Variants in TRDN observed in about 807,000 individuals in gnomAD.
TRDN encodes triadin, also known as triadin in skeletal muscle.
TRDN carries 161 observed loss-of-function variants against 149.7 expected under a neutral mutation model. The observed-to-expected ratio is 1.08, with a 90% CI of 0.95 to 1.23. The LOEUF (loss-of-function observed/expected upper bound fraction) is 1.23. TRDN is among the 50% of genes most tolerant of loss of function. The pLI, the probability that TRDN is intolerant of heterozygous loss-of-function variation, is 0.00. For missense variants in TRDN, 896 were observed against 823.5 expected, an observed-to-expected ratio of 1.09 and a Z score of -1.08; for synonymous variants, 294 against 250.5, an observed-to-expected ratio of 1.17 and a Z score of -1.64.
At chr6:123,369,903 C>T (rs550657055) in intron 19 of TRDN, among the ~76,000 whole-genome samples, 1 of 152,260 alleles carries the variant, frequency 6.6e-6, no homozygotes, top group African/African-American at 2.4e-5. Context: ...CACAATGTCT[C>T]ATGTCACTCT....
intron 9 of TRDN, among the ~76,000 whole-genome samples, chr6:123,477,956 G>A (rs751293977): frequency 2.6e-4 from 40 of 151,786 alleles, no homozygotes; most frequent in Admixed American, 9.8e-4. Context: ...TATACCTAAC[G>A]CGAGATGACG....
At chr6:123,316,955 T>C (rs1299792568) in intron 23 of TRDN, among the ~76,000 whole-genome samples, 1 of 151,790 alleles carries the variant, frequency 6.6e-6, no homozygotes, top group Admixed American at 6.6e-5. Context: ...ATTGTTTTCC[T>C]AGTATTTCCG....
chr6:123,423,280 A>C (rs1773985926), intron 12 of TRDN, among the ~76,000 whole-genome samples: 1 of 152,166 alleles, frequency 6.6e-6, no homozygotes, highest in African/African-American at 2.4e-5. Context: ...AGTTATAAAA[A>C]TTTTGAAATT....
chr6:123,381,257 C>T (rs760160051), intron 16 of TRDN, 113 bp downstream of exon 16: 354 of 970,018 alleles, frequency 3.6e-4, no homozygotes, highest in Non-Finnish European at 5.1e-4. Flanking sequence ...ACAGAGTTCA[C>T]ATGCATAAAA....
Position 123,529,501 on chromosome 6 carries a change from A to T in TRDN, c.484+1005T>A, listed in dbSNP as rs975739664. 6.7e-6 allele frequency: 5 copies of T among 743,092 alleles called. No individual in the cohort carries two copies. In the African/African-American group the frequency reaches 8.8e-5, roughly 13 times the overall value. 46.0% of individuals were successfully genotyped at this position (743,092 alleles called of 1,614,324 possible). A position where few individuals can be genotyped will look rare whatever the true frequency, so the allele number is the denominator to read the frequency against. On this transcript the variant is annotated intron_variant, in intron 5 of 40. Coordinates refer to ENST00000334268, the MANE Select transcript of TRDN (RefSeq NM_006073.4). ...ATGATTTGAGCCCTTCCCAAAAAGA[A>T]AGCACATGAAGTATATTTTAAAAAC... is the stretch of plus-strand genomic sequence containing the variant.
At chr6:123,604,177 G>C (rs895006144) in intron 1 of TRDN, among the ~76,000 whole-genome samples, 8 of 152,184 alleles carry the variant, frequency 5.3e-5, no homozygotes, top group Non-Finnish European at 8.8e-5. Flanking sequence ...GACTGCTGAG[G>C]CAGACAGAGA....
chr6:123,568,040 T>C (rs1006485336), intron 2 of TRDN, among the ~76,000 whole-genome samples: 3 of 152,010 alleles, frequency 2.0e-5, no homozygotes, highest in African/African-American at 7.2e-5. Flanking sequence ...CAAGACACAA[T>C]GAGGGTATAG....
chr6:123,504,963 A>C (rs953397824), intron 7 of TRDN, among the ~76,000 whole-genome samples: 3 of 152,232 alleles, frequency 2.0e-5, no homozygotes, highest in South Asian at 2.1e-4. Context: ...AATTTGATGA[A>C]GGCCGGGCAT....
intron 1 of TRDN, among the ~76,000 whole-genome samples, chr6:123,600,663 G>A (rs980288486): frequency 1.3e-5 from 2 of 152,062 alleles, no homozygotes; most frequent in East Asian, 3.9e-4. Flanking sequence ...GGGATATGAA[G>A]TGCATTCAGT....
rs1275926489 is a variant in TRDN at position 123,366,232 on chromosome 6, A to C, written c.1274-50T>G. ...TGAGAAGTGGATATTAGTGATGCCAAATTCACATCTTATACTATTGAGAAT... is the reference window on the plus strand; with the variant it reads ...TGAGAAGTGGATATTAGTGATGCCACATTCACATCTTATACTATTGAGAAT... On this transcript the variant is annotated intron_variant, in intron 19 of 40. Transcript: ENST00000334268. 6.0e-6 allele frequency: 9 copies of C among 1,496,338 alleles called. No homozygotes were observed. The South Asian group carries it at 1.0e-4, about 17-fold the overall frequency. The allele number at this position is 1,496,338 out of a possible 1,614,324, so 92.7% of individuals were successfully genotyped here.
intron 24 of TRDN, among the ~76,000 whole-genome samples, chr6:123,288,609 C>T (rs1439706278): frequency 2.0e-5 from 3 of 151,858 alleles, no homozygotes; most frequent in East Asian, 3.9e-4. Context: ...ATATGAAAGG[C>T]CAACAGATAT....
chr6:123,377,063 T>C (rs1002264826), intron 18 of TRDN, among the ~76,000 whole-genome samples: 1 of 152,178 alleles, frequency 6.6e-6, no homozygotes, highest in African/African-American at 2.4e-5. Context: ...AATAATTTGG[T>C]ATCCACAGCA....
intron 38 of TRDN, among the ~76,000 whole-genome samples, chr6:123,228,010 GCCAGCCAC>G (rs1349472609): frequency 6.8e-6 from 1 of 146,980 alleles, no homozygotes; most frequent in Non-Finnish European, 1.5e-5. Context: ...CCTGCTATGT[GCCAGCCAC>G]TGTTCTAAAC....
intron 1 of TRDN, among the ~76,000 whole-genome samples, chr6:123,630,790 G>C (rs1270837738): frequency 6.6e-6 from 1 of 151,894 alleles, no homozygotes; most frequent in Non-Finnish European, 1.5e-5. Flanking sequence ...TGCAAATTTT[G>C]TATCATGGAT....
chr6:123,570,992 C>T lies in TRDN; in HGVS notation c.163G>A (p.Ala55Thr), dbSNP rs1230796592. The T allele has an allele frequency of 1.2e-6, 2 of 1,613,962 alleles. No homozygotes were observed. The highest frequency in any genetic ancestry group is 1.1e-5 in the South Asian group (1 of 91,084). ...ACAGCTGACCACGTGATTATCAGGG[C>T]AATGACCAGAAGCCAGGCTGCAGGG... ...SSPAAWLLVI[A>T]LIITWSAVAI... Residue 55 changes from alanine to threonine, a missense_variant, in exon 2 of 41, where the codon GCC (alanine) becomes ACC (threonine). Transcript: ENST00000334268.
chr6:123,587,852 T>G (rs1441121278), intron 1 of TRDN, among the ~76,000 whole-genome samples: 7 of 152,044 alleles, frequency 4.6e-5, no homozygotes, highest in Admixed American at 4.6e-4. Context: ...GGAGAAGGAA[T>G]TTCACAAGAC....
Position 123,598,552 on chromosome 6 carries a change from G to C in TRDN, c.23-27420C>G, listed in dbSNP as rs148405724. ...GTGATCTCTCAGTTCTTATGAATTT[G>C]AGTATTCTGCATCTTAAATCTGAAA... On this transcript the variant is annotated intron_variant, in intron 1 of 40. Coordinates refer to ENST00000334268, the MANE Select transcript of TRDN (RefSeq NM_006073.4). Among the ~76,000 whole-genome samples, 3 of 152,146 alleles carry C rather than the reference G, an allele frequency of 2.0e-5. No individual in the cohort carries two copies. In the East Asian group the frequency reaches 5.8e-4, roughly 29 times the overall value.
intron 2 of TRDN, among the ~76,000 whole-genome samples, chr6:123,561,917 A>G (rs747562847): frequency 6.3e-4 from 95 of 151,878 alleles, no homozygotes; most frequent in Non-Finnish European, 1.2e-3. Flanking sequence ...TATTTTTCTT[A>G]TTAATATAAG....
At chr6:123,230,114 T>C (rs1421030319) in intron 38 of TRDN, among the ~76,000 whole-genome samples, 2 of 151,932 alleles carry the variant, frequency 1.3e-5, no homozygotes, top group Non-Finnish European at 1.5e-5. Context: ...CTATTCACAA[T>C]AGCAAAGACT....
Sources: allele counts gnomAD v4.1 joint callset (sites outside exome capture counted in the v4.1 genomes callset), GRCh38; gene constraint gnomAD v4.1.1; transcripts MANE v1.5; gene names NCBI Gene and HGNC (gene_info 2026-07-23, HGNC 2026-07-21).